Variants in ADAM11 observed in about 807,000 individuals in gnomAD.
The protein encoded by ADAM11 is ADAM metallopeptidase domain 11.
In ADAM11, 49 loss-of-function variants were observed where a neutral mutation model predicts 119.1. The ratio of observed to expected loss-of-function variants is 0.41; its 90% CI spans 0.33 to 0.52. The LOEUF is 0.52. Among genes scored for constraint, ADAM11 ranks in the 20% least tolerant of loss-of-function variants. The probability of loss-of-function intolerance (pLI) is 0.20; values close to 1 mark genes in which losing one functional copy is unlikely to be tolerated. For synonymous variants in ADAM11, 364 were observed against 408.0 expected (o/e 0.89, Z 1.30); for missense variants, 777 against 1,047.5 (o/e 0.74, Z 3.56).
rs1315992821 is a variant in ADAM11 at position 44,776,993 on chromosome 17, T to G, written c.1681+31T>G. On this transcript the variant is annotated intron_variant, in intron 20 of 26. Transcript: ENST00000200557. This position sits in a 1 kb window ranked among gnomAD's most constrained non-coding sequence, Gnocchi z 5.2. ...TCTGGCTAGGGCTGGGAGTGGGGAC[T>G]CCGGAGGACCCAGAGCTGAGAAGCT... The G allele has an allele frequency of 6.2e-7, 1 of 1,602,114 alleles. No homozygotes were observed. Among genetic ancestry groups the G allele is most frequent in the East Asian group, 2.2e-5 (1 of 44,522 alleles).
Position 44,776,667 on chromosome 17 carries a change from C to G in ADAM11, c.1567-78C>G. 1 of 1,548,642 alleles carries G rather than the reference C, an allele frequency of 6.5e-7. No homozygotes were observed. Among genetic ancestry groups the G allele is most frequent in the South Asian group, 1.2e-5 (1 of 86,316 alleles). ...AGCCCCCAATGGGGGGCACTTGGTACCCCAGCATTCCTCCCTGGGGCAGCC... is the reference window on the plus strand; with the variant it reads ...AGCCCCCAATGGGGGGCACTTGGTAGCCCAGCATTCCTCCCTGGGGCAGCC... On this transcript the variant is annotated intron_variant, in intron 18 of 26. Coordinates refer to ENST00000200557, the MANE Select transcript of ADAM11 (RefSeq NM_002390.6). This position sits in a 1 kb window ranked among gnomAD's most constrained non-coding sequence, Gnocchi z 5.2.
In ADAM11 at chr17:44,775,497, C is replaced by G. The variant is rs1230098738; in HGVS notation, c.1392+32C>G. 7 of 1,594,224 alleles carry G rather than the reference C, an allele frequency of 4.4e-6. No individual in the cohort carries two copies. The South Asian group carries it at 6.7e-5, about 15-fold the overall frequency. On this transcript the variant is annotated intron_variant, in intron 16 of 26. Transcript: ENST00000200557. This position sits in a 1 kb window ranked among gnomAD's most constrained non-coding sequence, Gnocchi z 7.5. ...GGTGGTGCGGGCGCCAGGTGGGGAA[C>G]CGGGATGCGGGGGTGGGCACGAGGG...
intron 1 of ADAM11, 122 bp from the exon 2 acceptor site, chr17:44,759,600 C>T (rs1465702275): frequency 1.5e-6 from 2 of 1,303,960 alleles, no homozygotes; most frequent in Non-Finnish European, 2.0e-6. Flanking sequence ...GATCCTCCCA[C>T]CCGGATCGCC....
chr17:44,765,610 C>CTTTTTTTTTTTTTTTTTTTTTTTT (rs748123040), intron 2 of ADAM11, among the ~76,000 whole-genome samples: 3 of 99,876 alleles, frequency 3.0e-5, no homozygotes, highest in East Asian at 3.3e-4. Context: ...TTTCTTTTCT[C>CTTTTTTTTTTTTTTTTTTTTTTTT]TTTTTTTTTT....
rs527534223 is a variant in ADAM11 at position 44,759,639 on chromosome 17, G to C, written c.62-83G>C. 5.4e-6 allele frequency: 7 copies of C among 1,306,190 alleles called. No individual in the cohort carries two copies. In the African/African-American group the frequency reaches 1.1e-4, roughly 20 times the overall value. The allele number at this position is 1,306,190 out of a possible 1,614,324, so 80.9% of individuals were successfully genotyped here. On this transcript the variant is annotated intron_variant, in intron 1 of 26. Coordinates refer to ENST00000200557, the MANE Select transcript of ADAM11 (RefSeq NM_002390.6). ...GGGCTCCAGGGGCCACACCAGAGTG[G>C]GGGATGAGGCATGCCCACCCCATTC...
At chr17:44,774,435 G>T in intron 12 of ADAM11, 56 bp downstream of exon 12, 2 of 1,584,248 alleles carry the variant, frequency 1.3e-6, no homozygotes, top group Non-Finnish European at 1.7e-6. Context: ...GGCTTCAGGG[G>T]CACGACGTGC....
chr17:44,778,555 G>C (rs908775587), intron 25 of ADAM11, among the ~76,000 whole-genome samples: 1 of 151,928 alleles, frequency 6.6e-6, no homozygotes, highest in Non-Finnish European at 1.5e-5. Context: ...AGCCAGCCAT[G>C]GTGGTGCGCA....
intron 2 of ADAM11, among the ~76,000 whole-genome samples, chr17:44,767,398 G>A (rs2049464089): frequency 6.6e-6 from 1 of 151,856 alleles, no homozygotes; most frequent in African/African-American, 2.4e-5. Context: ...CTAATGCTGG[G>A]CGGGCTTGGG....
Position 44,759,976 on chromosome 17 carries a change from G to A in ADAM11, c.237+79G>A, listed in dbSNP as rs980507600. ...GGAAGCCCACGGGGTAACCAGGGTT[G>A]GAGTCCCCCTCAGCAGCTGCCCCGC... On this transcript the variant is annotated intron_variant, in intron 2 of 26. Transcript: ENST00000200557. 4 of 1,223,168 alleles carry A rather than the reference G, an allele frequency of 3.3e-6. No homozygotes were observed. In the African/African-American group the frequency reaches 6.2e-5, roughly 19 times the overall value. 75.8% of individuals were successfully genotyped at this position (1,223,168 alleles called of 1,614,324 possible). A position where few individuals can be genotyped will look rare whatever the true frequency, so the allele number is the denominator to read the frequency against.
chr17:44,766,507 G>A (rs1289012879), intron 2 of ADAM11, among the ~76,000 whole-genome samples: 1 of 152,170 alleles, frequency 6.6e-6, no homozygotes, highest in African/African-American at 2.4e-5. Context: ...AGCCAGAGAG[G>A]AGCCTCGGGT....
At position 44,777,531 on chromosome 17, in the gene ADAM11, CG is replaced by C; in HGVS notation, c.1833del (p.Leu612Ter). On this transcript the variant is annotated frameshift_variant, in exon 22 of 27. Coordinates refer to ENST00000200557, the MANE Select transcript of ADAM11 (RefSeq NM_002390.6). LOFTEE classifies it high-confidence loss of function. The surrounding 1 kb of genome is among the most constrained non-coding windows in gnomAD (Gnocchi z 5.1). ...CTGTGTCAACATCTCTGGAGCTCCT[CG>C]GCTAGGGGACCTGGTGGGAGACATC... ...LLCVNISGAP[R>X]LGDLVGDISS... 6.2e-7 allele frequency: 1 copy of C among 1,614,172 alleles called. No homozygotes were observed. The highest frequency in any genetic ancestry group is 8.5e-7 in the Non-Finnish European group (1 of 1,180,024).
intron 2 of ADAM11, among the ~76,000 whole-genome samples, chr17:44,764,686 G>A (rs1431755843): frequency 6.6e-6 from 1 of 152,182 alleles, no homozygotes; most frequent in Admixed American, 6.5e-5. Context: ...TGTGTGACCT[G>A]AGCCAGTCAT....
rs779933650 is a variant in ADAM11 at position 44,776,105 on chromosome 17, G to A, written c.1486-22G>A. The A allele has an allele frequency of 2.5e-6, 4 of 1,613,136 alleles. No individual in the cohort carries two copies. The highest frequency in any genetic ancestry group is 1.7e-5 in the Admixed American group (1 of 59,988). ...CCGAGGCATCCATCCTGCCTGACTC[G>A]AGGAGCGCGTCTCTTCCCTAGTACG... On this transcript the variant is annotated intron_variant, in intron 17 of 26. Transcript: ENST00000200557. The surrounding 1 kb of genome is among the most constrained non-coding windows in gnomAD (Gnocchi z 5.2).
Position 44,773,070 on chromosome 17 carries a change from G to A in ADAM11, c.810G>A (p.Val270=). ...VLTSNFAKSV[V]NLADVIYKEQ... ...CCAGCAACTTTGCCAAGTCCGTGGT[G>A]AACCTGGCCGATGTGGTAAGCAGCT... Residue 270 remains valine (V), a synonymous_variant, in exon 10 of 27, where the codon GTG becomes GTA. Transcript: ENST00000200557. The surrounding 1 kb of genome is among the most constrained non-coding windows in gnomAD (Gnocchi z 4.6). 1 of 1,613,852 alleles carries A rather than the reference G, an allele frequency of 6.2e-7. No homozygotes were observed. The highest frequency in any genetic ancestry group is 8.5e-7 in the Non-Finnish European group (1 of 1,179,928).
rs746769285 is a variant in ADAM11 at position 44,772,353 on chromosome 17, GT to G, written c.610+21del. ...AACCAGGTAAGGGAGGGAAGGGGGG[GT>G]GGGGAGGGGCCGGCTGTGCCCCCCT... On this transcript the variant is annotated intron_variant, in intron 7 of 26. Transcript: ENST00000200557. This position sits in a 1 kb window ranked among gnomAD's most constrained non-coding sequence, Gnocchi z 4.5. 157 of 1,584,538 alleles carry G rather than the reference GT, an allele frequency of 9.9e-5. No individual in the cohort carries two copies. In the South Asian group the frequency reaches 1.8e-3, roughly 18 times the overall value.
At position 44,772,863 on chromosome 17, in the gene ADAM11, C is replaced by T. The variant is rs753819242; in HGVS notation, c.685C>T (p.Arg229Trp). Residue 229 changes from arginine to tryptophan, a missense_variant, in exon 9 of 27, where the codon CGG becomes TGG. By Grantham distance (101) the Arg-to-Trp change is moderately radical (BLOSUM62 -3). Transcript: ENST00000200557. This position sits in a 1 kb window ranked among gnomAD's most constrained non-coding sequence, Gnocchi z 4.5. The stretch of plus-strand genomic sequence containing the variant: ...GTGCCCACCCACCCCCCAGGTCCGC[C>T]GGGGCCACCCTACAGTGCACAGTGA... ...PRLRRKRQVR[R>W]GHPTVHSETK... 27 of 1,613,858 alleles carry T rather than the reference C, an allele frequency of 1.7e-5. No individual in the cohort carries two copies. The Admixed American group carries it at 3.0e-4, about 18-fold the overall frequency.
At position 44,763,757 on chromosome 17, in the gene ADAM11, C is replaced by T. The variant is rs190208418; in HGVS notation, c.237+3860C>T. ...TTTAAGACAGAGTCTCACTCTGTCACCCAGGCTGGAGTGCAGCAGCATGAT... is the reference window on the plus strand; with the variant it reads ...TTTAAGACAGAGTCTCACTCTGTCATCCAGGCTGGAGTGCAGCAGCATGAT... On this transcript the variant is annotated intron_variant, in intron 2 of 26. Coordinates refer to ENST00000200557, the MANE Select transcript of ADAM11 (RefSeq NM_002390.6). Among the ~76,000 whole-genome samples, 450 of 152,082 alleles carry T rather than the reference C, an allele frequency of 3.0e-3. 3 individuals carry two copies. Among genetic ancestry groups the T allele is most frequent in the African/African-American group, 0.011 (440 of 41,490 alleles).
intron 2 of ADAM11, among the ~76,000 whole-genome samples, chr17:44,767,354 CA>C (rs72428475): frequency 0.079 from 4,518 of 56,902 alleles, 53 homozygotes; most frequent in Middle Eastern, 0.15. Context: ...GACTCCATCT[CA>C]AAAAAAAAAA....
In ADAM11 at chr17:44,777,874, G is replaced by A; in HGVS notation, c.2070+11G>A. ...TGCTCCCACCACGGGGTGACTGCCT[G>A]GAGCCTGGGATGGCGGGAGAAGCTT... On this transcript the variant is annotated intron_variant, in intron 23 of 26. Transcript: ENST00000200557. The surrounding 1 kb of genome is among the most constrained non-coding windows in gnomAD (Gnocchi z 5.1). 1 of 1,613,488 alleles carries A rather than the reference G, an allele frequency of 6.2e-7. No individual in the cohort carries two copies. Among genetic ancestry groups the A allele is most frequent in the Non-Finnish European group, 8.5e-7 (1 of 1,179,934 alleles).
Sources: allele counts gnomAD v4.1 joint callset (sites outside exome capture counted in the v4.1 genomes callset), GRCh38; gene constraint gnomAD v4.1.1; non-coding constraint Gnocchi (gnomAD v3.1); transcripts MANE v1.5; gene names NCBI Gene and HGNC (gene_info 2026-07-23, HGNC 2026-07-21).